FARS2: variants seen among roughly 807,000 people sequenced by gnomAD.
The protein encoded by FARS2 is phenylalanyl-tRNA synthetase 2, mitochondrial.
FARS2 carries 40 observed loss-of-function variants against 46.4 expected under a neutral mutation model. The observed-to-expected ratio is 0.86, with a 90% confidence interval of 0.67 to 1.12. The LOEUF (loss-of-function observed/expected upper bound fraction) is 1.12, where lower values mean the gene tolerates loss of function less well. Ranked by LOEUF, FARS2 falls within the 50% of genes most tolerant of loss-of-function variation. The pLI is 0.00. For synonymous variants in FARS2, 234 were observed against 214.9 expected (o/e 1.09, Z -0.78); for missense variants, 513 against 567.9 (o/e 0.90, Z 0.98).
intron 1 of FARS2, among the ~76,000 whole-genome samples, chr6:5,356,174 C>A (rs1229966359): frequency 6.6e-6 from 1 of 152,188 alleles, no homozygotes; most frequent in Non-Finnish European, 1.5e-5. Flanking sequence ...GACGGCTAGG[C>A]GCTGTGGCTT....
intron 4 of FARS2, among the ~76,000 whole-genome samples, chr6:5,520,834 G>GA (rs1250305908): frequency 1.3e-5 from 2 of 152,154 alleles, no homozygotes; most frequent in African/African-American, 4.8e-5. Flanking sequence ...CATTAAAATT[G>GA]AAAATCAGAG....
rs1349111425 is a variant in FARS2 at position 5,369,870 on chromosome 6, CT to C, written c.612+695del. On this transcript the variant is annotated intron_variant, in intron 2 of 6. Transcript: ENST00000274680. Reference sequence around the variant, plus strand: ...TGTTATCCTAATACGTTGTGTGCATCTTTTTTTGTTGTTTTTTTTTTTGCAA... The same window carrying C: ...TGTTATCCTAATACGTTGTGTGCATCTTTTTTGTTGTTTTTTTTTTTGCAA... 6.8e-3 allele frequency among the ~76,000 whole-genome samples: 963 copies of C among 140,888 alleles called. 13 individuals are homozygous for C. The highest frequency in any genetic ancestry group is 0.025 in the African/African-American group (913 of 37,262). The allele number at this position is 140,888 out of a possible 152,430, so 92.4% of individuals were successfully genotyped here.
chr6:5,468,080 C>T (rs1480473148), intron 4 of FARS2, among the ~76,000 whole-genome samples: 1 of 152,074 alleles, frequency 6.6e-6, no homozygotes, highest in Non-Finnish European at 1.5e-5. Context: ...CTTGTCTGTC[C>T]CTGCTTTCAG....
chr6:5,392,988 AT>A (rs1760667199), intron 2 of FARS2, among the ~76,000 whole-genome samples: 1 of 149,316 alleles, frequency 6.7e-6, no homozygotes, highest in African/African-American at 2.4e-5. Flanking sequence ...ATCTGAAAAT[AT>A]TTTTAAAATT....
intron 6 of FARS2, among the ~76,000 whole-genome samples, chr6:5,738,788 A>G (rs1761111045): frequency 6.6e-6 from 1 of 151,764 alleles, no homozygotes; most frequent in Non-Finnish European, 1.5e-5. Flanking sequence ...AAAAAAATGC[A>G]GTTTCAAGAC....
intron 4 of FARS2, among the ~76,000 whole-genome samples, chr6:5,510,158 T>C (rs1299386315): frequency 3.3e-5 from 5 of 152,190 alleles, no homozygotes; most frequent in African/African-American, 4.8e-5. Flanking sequence ...TTTGCTCCCT[T>C]TTCTATTTAA....
intron 6 of FARS2, among the ~76,000 whole-genome samples, chr6:5,637,086 C>T (rs568484044): frequency 6.6e-6 from 1 of 152,324 alleles, no homozygotes; most frequent in South Asian, 2.1e-4. Flanking sequence ...AACCAGGATC[C>T]AGAGCCGAAT....
chr6:5,319,164 A>T (rs758747515), intron 1 of FARS2, among the ~76,000 whole-genome samples: 1 of 152,100 alleles, frequency 6.6e-6, no homozygotes, highest in South Asian at 2.1e-4. Flanking sequence ...GGAAGTTGTT[A>T]TACTGTCTCT....
At chr6:5,260,110 C>T (rs893629770), upstream of FARS2, among the ~76,000 whole-genome samples, 3 of 152,114 alleles carry the variant, frequency 2.0e-5, no homozygotes, top group African/African-American at 7.2e-5. Flanking sequence ...GACCCTTTTT[C>T]CTTTTCCGCT....
intron 5 of FARS2, among the ~76,000 whole-genome samples, chr6:5,560,279 A>G (rs577568890): frequency 1.3e-5 from 2 of 152,266 alleles, no homozygotes; most frequent in East Asian, 1.9e-4. Context: ...GTTGCTACAA[A>G]TGAATGCTAA....
intron 4 of FARS2, among the ~76,000 whole-genome samples, chr6:5,510,137 G>T (rs1183779236): frequency 6.6e-6 from 1 of 152,140 alleles, no homozygotes; most frequent in Non-Finnish European, 1.5e-5. Context: ...TGTTTGGTTG[G>T]TTGGTTGGTT....
intron 1 of FARS2, among the ~76,000 whole-genome samples, chr6:5,359,489 C>A (rs764572216): frequency 6.6e-6 from 1 of 152,196 alleles, no homozygotes; most frequent in African/African-American, 2.4e-5. Flanking sequence ...CAAAAGAAGA[C>A]TGAAGTGTCA....
At chr6:5,437,009 T>C (rs936770654) in intron 4 of FARS2, among the ~76,000 whole-genome samples, 1 of 152,192 alleles carries the variant, frequency 6.6e-6, no homozygotes, top group African/African-American at 2.4e-5. Context: ...ACAATCAAGA[T>C]GATAAATGTT....
intron 6 of FARS2, among the ~76,000 whole-genome samples, chr6:5,754,181 A>AGTT (rs1762091484): frequency 6.6e-6 from 1 of 152,218 alleles, no homozygotes; most frequent in Admixed American, 6.5e-5. Context: ...GATGAAACTG[A>AGTT]GGATTAGAAG....
intron 5 of FARS2, among the ~76,000 whole-genome samples, chr6:5,591,303 C>T (rs1255194277): frequency 7.9e-5 from 12 of 152,152 alleles, no homozygotes; most frequent in African/African-American, 2.7e-4. Flanking sequence ...ACACTAGAAC[C>T]GAGTGGTCCA....
At chr6:5,420,020 C>T (rs1273987443) in intron 3 of FARS2, among the ~76,000 whole-genome samples, 1 of 152,178 alleles carries the variant, frequency 6.6e-6, no homozygotes, top group Non-Finnish European at 1.5e-5. Context: ...GTTACAGTTC[C>T]ACCTGGCTGG....
intron 1 of FARS2, among the ~76,000 whole-genome samples, chr6:5,288,946 T>C (rs1767318532): frequency 6.6e-6 from 1 of 152,222 alleles, no homozygotes; most frequent in Non-Finnish European, 1.5e-5. Context: ...AAGTCATTTA[T>C]TCTAGGTTGA....
At chr6:5,435,602 G>T (rs993594052) in intron 4 of FARS2, among the ~76,000 whole-genome samples, 8 of 152,102 alleles carry the variant, frequency 5.3e-5, no homozygotes, top group African/African-American at 1.9e-4. Flanking sequence ...TTTCCTTAGG[G>T]AGGTATTTTG....
At chr6:5,640,534 CA>C (rs1385222536) in intron 6 of FARS2, among the ~76,000 whole-genome samples, 1 of 152,166 alleles carries the variant, frequency 6.6e-6, no homozygotes, top group Non-Finnish European at 1.5e-5. Flanking sequence ...GAAAAAGAAA[CA>C]TTTTGTCTGA....
Sources: allele counts gnomAD v4.1 joint callset (sites outside exome capture counted in the v4.1 genomes callset), GRCh38; gene constraint gnomAD v4.1.1; transcripts MANE v1.5; gene names NCBI Gene and HGNC (gene_info 2026-07-23, HGNC 2026-07-21).